Variants in SLITRK4 observed in about 807,000 individuals in gnomAD.
SLITRK4 encodes the protein SLIT and NTRK-like protein 4.
In SLITRK4, 7 loss-of-function variants were observed where a neutral mutation model predicts 34.7. The ratio of observed to expected loss-of-function variants is 0.20; its 90% CI spans 0.11 to 0.38. The LOEUF is 0.38. Among genes scored for constraint, SLITRK4 ranks in the 10% least tolerant of loss-of-function variants. The pLI, the probability that SLITRK4 is intolerant of heterozygous loss-of-function variation, is 1.00. For synonymous variants in SLITRK4, 237 were observed against 246.2 expected (o/e 0.96, Z 0.35); for missense variants, 474 against 607.0 (o/e 0.78, Z 2.30).
rs1004930177 is a variant in SLITRK4, at chrX:143,629,243, T to C, written c.1866A>G (p.Leu622=). ...TTAAAATGAGGACCACTAAGATACT[T>C]AAGATTAAAATAGACAGAGGCACTG... ...GGPVPLSILI[L]SILVVLILTV... Residue 622 remains leucine (L), a synonymous_variant, in exon 2 of 2, where the codon TTA becomes TTG. Transcript: ENST00000356928. 8.3e-7 allele frequency: 1 copy of C among 1,211,575 alleles called. No individual in the cohort carries two copies. The highest frequency in any genetic ancestry group is 1.8e-5 in the South Asian group (1 of 56,961).
rs1556425396 is a variant in SLITRK4, at chrX:143,626,055, T to C, written c.*2540A>G. 9.0e-6 allele frequency: 1 copy of C among 111,681 alleles called. No homozygotes were observed. The highest frequency in any genetic ancestry group is 1.9e-5 in the Non-Finnish European group (1 of 52,860). 9.2% of individuals were successfully genotyped at this position (111,681 alleles called of 1,213,427 possible). A position where few individuals can be genotyped will look rare whatever the true frequency, so the allele number is the denominator to read the frequency against. ...ATCTTCAGAACATCACCACACTGAA[T>C]AAAAGTATCATTCAAATGACCTATT... On this transcript the variant is annotated 3_prime_UTR_variant, in exon 2 of 2. Transcript: ENST00000356928.
At position 143,629,963 on chromosome X, in the gene SLITRK4, C is replaced by G; in HGVS notation, c.1146G>C (p.Leu382=). The change falls in exon 2 of 2, where the codon CTG becomes CTC. Residue 382 remains leucine (L), a synonymous_variant. Coordinates refer to ENST00000356928, the MANE Select transcript of SLITRK4 (RefSeq NM_001184749.3). Reference sequence around the variant, plus strand: ...CCTTGATGCTATTGCCATTGACGTGCAGCTTCTTCGCATTTAAAGGTTTCG... The same window carrying G: ...CCTTGATGCTATTGCCATTGACGTGGAGCTTCTTCGCATTTAAAGGTTTCG... ...LIPKPLNAKK[L]HVNGNSIKDV... The G allele has an allele frequency of 8.3e-7, 1 of 1,211,890 alleles. No homozygotes were observed. Among genetic ancestry groups the G allele is most frequent in the Non-Finnish European group, 1.1e-6 (1 of 895,589 alleles).
Position 143,630,105 on chromosome X carries a change from C to T in SLITRK4, c.1004G>A (p.Arg335Lys). 2.5e-6 allele frequency: 3 copies of T among 1,211,789 alleles called. No individual in the cohort carries two copies. The highest frequency in any genetic ancestry group is 3.4e-6 in the Non-Finnish European group (3 of 895,490). Reference sequence around the variant, plus strand: ...CGGGCAAGGTGTTAGAGGAGGCACCCTTGTTTGGTAAGACACAATCTGACT... The same window carrying T: ...CGGGCAAGGTGTTAGAGGAGGCACCTTTGTTTGGTAAGACACAATCTGACT... ...NLSQIVSYQT[R>K]VPPLTPCPAP... Residue 335 changes from arginine to lysine, a missense_variant, in exon 2 of 2, where the codon AGG becomes AAG. By Grantham distance (26) the Arg-to-Lys change is conservative (BLOSUM62 2). This residue lies in a region of SLITRK4 where 345 missense variants were observed against 406.5 expected (regional missense o/e 0.85). Transcript: ENST00000356928.
Position 143,629,123 on chromosome X carries a change from G to A in SLITRK4, c.1986C>T (p.Gly662=). The A allele has an allele frequency of 8.3e-7, 1 of 1,211,959 alleles. No individual in the cohort carries two copies. The highest frequency in any genetic ancestry group is 1.7e-5 in the African/African-American group (1 of 57,832). Reference sequence around the variant, plus strand: ...GCTTCCTTAGCTGCAGCTGCATGGAGCCACAGTCAGGATTCCCCAGGCCTT... The same window carrying A: ...GCTTCCTTAGCTGCAGCTGCATGGAACCACAGTCAGGATTCCCCAGGCCTT... The part of the protein sequence containing the change: ...KHEGLGNPDC[G]SMQLQLRKHD... The change falls in exon 2 of 2, where the codon GGC becomes GGT. Residue 662 remains glycine, a synonymous_variant. Coordinates refer to ENST00000356928, the MANE Select transcript of SLITRK4 (RefSeq NM_001184749.3).
In SLITRK4 at chrX:143,629,560, G is replaced by A; in HGVS notation, c.1549C>T (p.Leu517Phe). 2.1e-5 allele frequency: 25 copies of A among 1,211,239 alleles called. No homozygotes were observed. Among genetic ancestry groups the A allele is most frequent in the Non-Finnish European group, 2.8e-5 (25 of 895,410 alleles). Residue 517 changes from leucine to phenylalanine, a missense_variant, in exon 2 of 2, where the codon CTT (leucine) becomes TTT (phenylalanine). By Grantham distance (22) the Leu-to-Phe change is conservative. Coordinates refer to ENST00000356928, the MANE Select transcript of SLITRK4 (RefSeq NM_001184749.3). ...KFMYLPVSGV[L>F]DQLQSLTQID... ...TGTGTAAGAGATTGCAACTGATCAA[G>A]GACCCCGCTGACAGGCAGGTACATG... is the stretch of plus-strand genomic sequence containing the variant.
chrX:143,634,821 G>A (rs1431230825), intron 1 of SLITRK4: 2 of 109,929 alleles, frequency 1.8e-5, no homozygotes, highest in Non-Finnish European at 3.8e-5. Context: ...GCTGAGCGGG[G>A]AAGAGGCAGC....
In SLITRK4 at chrX:143,629,966, C is replaced by G; in HGVS notation, c.1143G>C (p.Lys381Asn). The change falls in exon 2 of 2, where the codon AAG becomes AAC. Residue 381 changes from lysine to asparagine, a missense_variant. Physicochemically the swap from Lys to Asn is moderately conservative, Grantham distance 94. Transcript: ENST00000356928. ...ELIPKPLNAK[K>N]LHVNGNSIKD... ...TGATGCTATTGCCATTGACGTGCAG[C>G]TTCTTCGCATTTAAAGGTTTCGGTA... is the stretch of plus-strand genomic sequence containing the variant. 1.7e-6 allele frequency: 2 copies of G among 1,211,953 alleles called. No homozygotes were observed. The highest frequency in any genetic ancestry group is 2.2e-6 in the Non-Finnish European group (2 of 895,609).
At position 143,624,618 on chromosome X, in the gene SLITRK4, T is replaced by C. The variant is rs1930727111; in HGVS notation, c.*3977A>G. The C allele has an allele frequency of 9.0e-6, 1 of 111,433 alleles. No homozygotes were observed. The highest frequency in any genetic ancestry group is 1.9e-5 in the Non-Finnish European group (1 of 52,813). 9.2% of individuals were successfully genotyped at this position (111,433 alleles called of 1,213,427 possible). A position where few individuals can be genotyped will look rare whatever the true frequency, so the allele number is the denominator to read the frequency against. On this transcript the variant is annotated 3_prime_UTR_variant, in exon 2 of 2. Transcript: ENST00000356928. Reference sequence around the variant, plus strand: ...GCTAAAGCTATATCTTACCCTCAAATCTGGGTGAAATGATCAGTTTGGTTA... The same window carrying C: ...GCTAAAGCTATATCTTACCCTCAAACCTGGGTGAAATGATCAGTTTGGTTA...
Position 143,629,322 on chromosome X carries a change from G to A in SLITRK4, c.1787C>T (p.Pro596Leu), listed in dbSNP as rs139568010. 1.6e-4 allele frequency: 190 copies of A among 1,210,218 alleles called. No individual in the cohort carries two copies. Among genetic ancestry groups the A allele is most frequent in the Non-Finnish European group, 2.0e-4 (183 of 895,288 alleles). The change falls in exon 2 of 2, where the codon CCT becomes CTT. Residue 596 changes from proline to leucine, a missense_variant. Physicochemically the swap from Pro to Leu is moderately conservative, Grantham distance 98. This residue lies in a region of SLITRK4 where 345 missense variants were observed against 406.5 expected (regional missense o/e 0.85). Transcript: ENST00000356928. ...KPSAPFTSPA[P>L]AITFTTPLGP... ...CAAAGGAGTGGTGAATGTAATGGCAGGTGCAGGGCTTGTGAATGGTGCAGA... is the reference window on the plus strand; with the variant it reads ...CAAAGGAGTGGTGAATGTAATGGCAAGTGCAGGGCTTGTGAATGGTGCAGA...
rs1199433316 is a variant in SLITRK4, at chrX:143,623,321, A to G, written c.*5274T>C. ...GGTCCTACAGTCAGTGGAAATGTCA[A>G]TTATGGATTAATGAGAAGCTTGAAT... is the stretch of plus-strand genomic sequence containing the variant. On this transcript the variant is annotated 3_prime_UTR_variant, in exon 2 of 2. Transcript: ENST00000356928. The G allele has an allele frequency of 9.0e-6, 1 of 110,766 alleles. No homozygotes were observed. Among genetic ancestry groups the G allele is most frequent in the East Asian group, 2.8e-4 (1 of 3,527 alleles). 9.1% of individuals were successfully genotyped at this position (110,766 alleles called of 1,213,427 possible).
In SLITRK4 at chrX:143,630,653, A is replaced by G. The variant is rs1556428031; in HGVS notation, c.456T>C (p.Asn152=). The G allele has an allele frequency of 8.3e-7, 1 of 1,211,311 alleles. No homozygotes were observed. The highest frequency in any genetic ancestry group is 3.0e-5 in the East Asian group (1 of 33,841). The part of the protein sequence containing the change: ...LIKYIERGAF[N]KLHKLKVLIL... Reference sequence around the variant, plus strand: ...TGAGAACTTTCAGTTTGTGGAGCTTATTGAAGGCTCCTCGTTCAATATACT... The same window carrying G: ...TGAGAACTTTCAGTTTGTGGAGCTTGTTGAAGGCTCCTCGTTCAATATACT... The change falls in exon 2 of 2, where the codon AAT becomes AAC. Residue 152 remains asparagine (N), a synonymous_variant. Transcript: ENST00000356928.
Position 143,628,697 on chromosome X carries a change from C to T in SLITRK4, c.2412G>A (p.Val804=), listed in dbSNP as rs1220861920. Residue 804 remains valine, a synonymous_variant, in exon 2 of 2, where the codon GTG becomes GTA. Transcript: ENST00000356928. ...LIGGNHSKIV[V]EQRKSEYFEL... ...CAAAATACTCACTCTTCCTTTGTTC[C>T]ACAACAATTTTACTGTGGTTGCCAC... 9.9e-6 allele frequency: 12 copies of T among 1,209,977 alleles called. No individual in the cohort carries two copies. In the Admixed American group the frequency reaches 2.0e-4, roughly 20 times the overall value.
intron 1 of SLITRK4, among the ~76,000 whole-genome samples, chrX:143,631,773 A>G (rs1022002152): frequency 2.7e-5 from 3 of 111,151 alleles, no homozygotes; most frequent in Non-Finnish European, 5.7e-5. Flanking sequence ...ATTGCTGTCA[A>G]TCGGTTTACT....
At position 143,636,007 on chromosome X, in the gene SLITRK4, C is replaced by T. The variant is rs1384309362; in HGVS notation, c.-323G>A. Reference sequence around the variant, plus strand: ...GCCTTTGGTGCAGAATGGGTTAAGCCGGATGATCTTGGAGCTGGGGGTGGG... The same window carrying T: ...GCCTTTGGTGCAGAATGGGTTAAGCTGGATGATCTTGGAGCTGGGGGTGGG... On this transcript the variant is annotated 5_prime_UTR_variant, in exon 1 of 2. Coordinates refer to ENST00000356928, the MANE Select transcript of SLITRK4 (RefSeq NM_001184749.3). 1.0e-5 allele frequency among the ~76,000 whole-genome samples: 1 copy of T among 96,373 alleles called. No individual in the cohort carries two copies. The highest frequency in any genetic ancestry group is 3.9e-4 in the East Asian group (1 of 2,545). 83.7% of individuals were successfully genotyped at this position (96,373 alleles called of 115,157 possible).
chrX:143,623,605 A>G lies in SLITRK4; in HGVS notation c.*4990T>C, dbSNP rs1464025399. 9.0e-6 allele frequency: 1 copy of G among 111,428 alleles called. No individual in the cohort carries two copies. Among genetic ancestry groups the G allele is most frequent in the African/African-American group, 3.3e-5 (1 of 30,764 alleles). 9.2% of individuals were successfully genotyped at this position (111,428 alleles called of 1,213,427 possible). A position where few individuals can be genotyped will look rare whatever the true frequency, so the allele number is the denominator to read the frequency against. ...AATAAATAAAACAAAATAAAATTCC[A>G]AATTAGATTAAGGGCAGTTTTGTAC... On this transcript the variant is annotated 3_prime_UTR_variant, in exon 2 of 2. Transcript: ENST00000356928.
At chrX:143,634,764 CTCTG>C (rs1187495300) in intron 1 of SLITRK4, 1 of 94,070 alleles carries the variant, frequency 1.1e-5, no homozygotes, top group Non-Finnish European at 2.3e-5. Context: ...CTCTCTCTCT[CTCTG>C]TCTCTCTCTC....
In SLITRK4 at chrX:143,623,772, C is replaced by G. The variant is rs192511714; in HGVS notation, c.*4823G>C. On this transcript the variant is annotated 3_prime_UTR_variant, in exon 2 of 2. Transcript: ENST00000356928. ...CACCAGTTATTCTAGGTAAGTGAAG[C>G]CACAAACAGGATATTTTATTTTAGT... 31 of 110,945 alleles carry G rather than the reference C, an allele frequency of 2.8e-4. No homozygotes were observed. Among genetic ancestry groups the G allele is most frequent in the Admixed American group, 7.7e-4 (8 of 10,428 alleles). The allele number at this position is 110,945 out of a possible 1,213,427, so 9.1% of individuals were successfully genotyped here.
rs782276762 is a variant in SLITRK4 at position 143,627,260 on chromosome X, A to G, written c.*1335T>C. 3 of 109,716 alleles carry G rather than the reference A, an allele frequency of 2.7e-5. No individual in the cohort carries two copies. Among genetic ancestry groups the G allele is most frequent in the Non-Finnish European group, 3.8e-5 (2 of 52,612 alleles). The allele number at this position is 109,716 out of a possible 1,213,427, so 9.0% of individuals were successfully genotyped here. On this transcript the variant is annotated 3_prime_UTR_variant, in exon 2 of 2. Transcript: ENST00000356928. ...CATACAAGATATAACTATTAACCTT[A>G]TTCATTATTTTTTAAATACTTGTAG...
At position 143,630,087 on chromosome X, in the gene SLITRK4, G is replaced by A. The variant is rs1178791440; in HGVS notation, c.1022C>T (p.Pro341Leu). Residue 341 changes from proline (P) to leucine (L), a missense_variant, in exon 2 of 2, where the codon CCT (proline) becomes CTT (leucine). Physicochemically the swap from Pro to Leu is moderately conservative, Grantham distance 98. Around this residue, in one of 3 missense-constraint regions of SLITRK4, gnomAD observed 345 missense variants for 406.5 expected, o/e 0.85. Coordinates refer to ENST00000356928, the MANE Select transcript of SLITRK4 (RefSeq NM_001184749.3). ...SYQTRVPPLTPCPAPCFCKTH... is the reference protein window; with the variant it reads ...SYQTRVPPLTLCPAPCFCKTH... ...TTTGCAGAAGCAAGGTGCCGGGCAA[G>A]GTGTTAGAGGAGGCACCCTTGTTTG... 1.7e-6 allele frequency: 2 copies of A among 1,210,086 alleles called. No individual in the cohort carries two copies. The highest frequency in any genetic ancestry group is 2.2e-6 in the Non-Finnish European group (2 of 895,076).
Sources: gnomAD v4.1 joint callset for allele counts (sites outside exome capture counted in the v4.1 genomes callset) on GRCh38, gnomAD v4.1.1 for gene constraint, gnomAD v4.1.1 regional missense constraint, MANE v1.5 for transcripts, NCBI Gene and HGNC (gene_info 2026-07-23, HGNC 2026-07-21) for gene names.